RDX: variants seen among roughly 807,000 people sequenced by gnomAD.
RDX encodes deafness, autosomal recessive 24.
RDX carries 32 observed loss-of-function variants against 83.7 expected under a neutral mutation model. That is an observed-to-expected ratio of 0.38 (90% CI 0.29 to 0.51). The LOEUF is 0.51. RDX is among the 20% of genes least tolerant of loss of function. The pLI is 0.87. For synonymous variants in RDX, 229 were observed against 222.7 expected, an observed-to-expected ratio of 1.03 and a Z score of -0.25; for missense variants, 600 against 689.9, an observed-to-expected ratio of 0.87 and a Z score of 1.46.
In RDX at chr11:110,230,109, T is replaced by C. The variant is rs1350105838; in HGVS notation, c.*1760A>G. 6.6e-6 allele frequency: 1 copy of C among 152,420 alleles called. No individual in the cohort carries two copies. The highest frequency in any genetic ancestry group is 2.4e-5 in the African/African-American group (1 of 41,450). The allele number at this position is 152,420 out of a possible 1,614,324, so 9.4% of individuals were successfully genotyped here. On this transcript the variant is annotated 3_prime_UTR_variant, in exon 14 of 14. Coordinates refer to ENST00000645495, the MANE Select transcript of RDX (RefSeq NM_002906.4). Reference sequence around the variant, plus strand: ...TAATGTCTGCCCAGATTAATCCTTTTAAAGTCAGCAAAATCAAAAAAGCAC... The same window carrying C: ...TAATGTCTGCCCAGATTAATCCTTTCAAAGTCAGCAAAATCAAAAAAGCAC...
chr11:110,241,791 T>C (rs545930936), intron 10 of RDX, among the ~76,000 whole-genome samples: 1 of 152,228 alleles, frequency 6.6e-6, no homozygotes, highest in African/African-American at 2.4e-5. Context: ...AAAAGCAACC[T>C]GAGTGCCCAT....
chr11:110,283,716 A>AAAAC (rs561934074), intron 1 of RDX, among the ~76,000 whole-genome samples: 21 of 152,280 alleles, frequency 1.4e-4, no homozygotes, highest in African/African-American at 5.1e-4. Context: ...AAAATAATCT[A>AAAAC]AAACAAACAA....
intron 12 of RDX, among the ~76,000 whole-genome samples, chr11:110,234,303 C>T (rs1864754265): frequency 6.6e-6 from 1 of 152,010 alleles, no homozygotes; most frequent in Non-Finnish European, 1.5e-5. Flanking sequence ...TTCAATAAAT[C>T]AAAATAATAA....
chr11:110,258,092 A>G lies in RDX; in HGVS notation c.551+14T>C. 1.3e-6 allele frequency: 2 copies of G among 1,573,604 alleles called. No individual in the cohort carries two copies. Among genetic ancestry groups the G allele is most frequent in the Non-Finnish European group, 1.7e-6 (2 of 1,146,428 alleles). On this transcript the variant is annotated intron_variant, in intron 6 of 13. Transcript: ENST00000645495. ...AAGGAAAAAAGAAAACATAGAAAAT[A>G]GCTACCCAAATACCTTAACATTCCT...
At chr11:110,188,663 CA>C (rs1863036409) in intron 15 of RDX, among the ~76,000 whole-genome samples, 1 of 152,148 alleles carries the variant, frequency 6.6e-6, no homozygotes, top group Admixed American at 6.5e-5. Context: ...AGCTTCTCAG[CA>C]GAAACCTTAC....
At chr11:110,213,044 T>G (rs1285871489) in intron 14 of RDX, among the ~76,000 whole-genome samples, 4 of 149,560 alleles carry the variant, frequency 2.7e-5, no homozygotes, top group African/African-American at 5.0e-5. Flanking sequence ...GGAAGTCAAA[T>G]TGTCCCTGTT....
chr11:110,190,550 GAACA>G (rs766115276), intron 15 of RDX, among the ~76,000 whole-genome samples: 75 of 152,028 alleles, frequency 4.9e-4, no homozygotes, highest in Non-Finnish European at 5.6e-4. Context: ...AGAAAAACAA[GAACA>G]AACTAACCCC....
At chr11:110,265,747 T>C (rs2134385658) in intron 3 of RDX, among the ~76,000 whole-genome samples, 1 of 152,282 alleles carries the variant, frequency 6.6e-6, no homozygotes, top group African/African-American at 2.4e-5. Flanking sequence ...TTTTTATGAC[T>C]TATTGAACAA....
At chr11:110,279,241 A>G (rs1860652319) in intron 2 of RDX, among the ~76,000 whole-genome samples, 1 of 152,222 alleles carries the variant, frequency 6.6e-6, no homozygotes, top group African/African-American at 2.4e-5. Context: ...CTAAATTAAC[A>G]AAGGTCACCC....
chr11:110,280,959 G>GT (rs1860738585), intron 1 of RDX, among the ~76,000 whole-genome samples: 2 of 152,186 alleles, frequency 1.3e-5, no homozygotes, highest in African/African-American at 4.8e-5. Flanking sequence ...GAGGTCAGGA[G>GT]TTTGAGACCA....
chr11:110,208,087 T>C (rs1863673101), intron 14 of RDX, among the ~76,000 whole-genome samples: 2 of 152,170 alleles, frequency 1.3e-5, no homozygotes, highest in East Asian at 3.9e-4. Context: ...ACCAAAGTGC[T>C]GGGGTTACAG....
intron 12 of RDX, 109 bp downstream of exon 12, chr11:110,235,990 C>A: frequency 1.2e-6 from 1 of 807,824 alleles, no homozygotes; most frequent in Non-Finnish European, 2.1e-6. Flanking sequence ...ACACGAGTAT[C>A]TTTCCCACTC....
chr11:110,252,480 A>G (rs1458752593), intron 9 of RDX, among the ~76,000 whole-genome samples: 1 of 152,232 alleles, frequency 6.6e-6, no homozygotes, highest in Non-Finnish European at 1.5e-5. Context: ...AGTGATGAGT[A>G]TGAGATACAG....
At chr11:110,186,911 G>C (rs1389118117) in intron 15 of RDX, among the ~76,000 whole-genome samples, 2 of 152,218 alleles carry the variant, frequency 1.3e-5, no homozygotes, top group African/African-American at 2.4e-5. Flanking sequence ...TTAGAGATTG[G>C]AGCATTTGCT....
intron 10 of RDX, among the ~76,000 whole-genome samples, chr11:110,238,238 T>C (rs142666805): frequency 9.8e-5 from 15 of 152,314 alleles, no homozygotes; most frequent in African/African-American, 3.1e-4. Flanking sequence ...ATGTGAGTTA[T>C]TGGTATATAT....
intron 1 of RDX, among the ~76,000 whole-genome samples, chr11:110,291,259 A>G (rs1861230475): frequency 6.6e-6 from 1 of 152,184 alleles, no homozygotes; most frequent in Non-Finnish European, 1.5e-5. Flanking sequence ...CCGGAGTTCA[A>G]AGCCCTGGAG....
At chr11:110,255,537 T>C in intron 7 of RDX, 152 bp from the exon 8 acceptor site, 1 of 617,064 alleles carries the variant, frequency 1.6e-6, no homozygotes, top group Non-Finnish European at 2.9e-6. Context: ...CCTTATCTTT[T>C]AAGGGGAAAA....
rs979107580 is a variant in RDX at position 110,201,838 on chromosome 11, C to T, written c.1749-2160G>A. ...GCAACCTCTGCCTCCAGGATTCCAG[C>T]GATTCCTGTCTCAGCTTCCCAGGTA... is the stretch of plus-strand genomic sequence containing the variant. On this transcript the variant is annotated intron_variant, in intron 14 of 15. Transcript: ENST00000528498. Among the ~76,000 whole-genome samples the T allele has an allele frequency of 2.6e-5, 4 of 151,636 alleles. No individual in the cohort carries two copies. The East Asian group carries it at 5.9e-4, about 22-fold the overall frequency.
intron 9 of RDX, among the ~76,000 whole-genome samples, chr11:110,249,701 C>T (rs1859249797): frequency 6.6e-6 from 1 of 152,152 alleles, no homozygotes; most frequent in East Asian, 1.9e-4. Flanking sequence ...GAGACCTCAT[C>T]TCTTCTAAAA....
Sources: gnomAD v4.1 joint callset for allele counts (sites outside exome capture counted in the v4.1 genomes callset) on GRCh38, gnomAD v4.1.1 for gene constraint, MANE v1.5 for transcripts, NCBI Gene and HGNC (gene_info 2026-07-23, HGNC 2026-07-21) for gene names.